The following GOSR2 variants were observed in gnomAD, a reference collection of about 807,000 sequenced individuals.
The protein encoded by GOSR2 is 27 kDa Golgi SNARE protein.
Under a neutral mutation model 27.9 loss-of-function variants are expected in GOSR2, and 20 were observed. The observed-to-expected ratio is 0.72, with a 90% confidence interval of 0.50 to 1.04. The LOEUF (loss-of-function observed/expected upper bound fraction) is 1.04, where lower values mean the gene tolerates loss of function less well. GOSR2 is among the 50% of genes least tolerant of loss of function. The pLI is 0.00. For synonymous variants in GOSR2, 91 were observed against 98.8 expected, an observed-to-expected ratio of 0.92 and a Z score of 0.47; for missense variants, 261 against 270.5, an observed-to-expected ratio of 0.97 and a Z score of 0.25.
Position 46,939,772 on chromosome 17 carries a change from C to T in GOSR2, c.*1012C>T. On this transcript the variant is annotated 3_prime_UTR_variant, in exon 6 of 6. Coordinates refer to ENST00000640051, the MANE Select transcript of GOSR2 (RefSeq NM_004287.5). ...ACACTCTGTTTTCAGGGACTACAAC[C>T]TTTTTCCTTCTGTGACCAGCCCCGG... The T allele has an allele frequency of 1.0e-6, 1 of 987,364 alleles. No homozygotes were observed. The highest frequency in any genetic ancestry group is 1.2e-6 in the Non-Finnish European group (1 of 831,226). 61.2% of individuals were successfully genotyped at this position (987,364 alleles called of 1,614,324 possible). A position where few individuals can be genotyped will look rare whatever the true frequency, so the allele number is the denominator to read the frequency against.
chr17:46,968,332 G>GA (rs1444787042), downstream of GOSR2, among the ~76,000 whole-genome samples: 1 of 152,164 alleles, frequency 6.6e-6, no homozygotes, highest in African/African-American at 2.4e-5. Context: ...AATCTTTAGG[G>GA]AAAAAATGTC....
intron 5 of GOSR2, chr17:46,937,205 A>G (rs973710918): frequency 2.0e-5 from 3 of 152,168 alleles, no homozygotes; most frequent in African/African-American, 7.2e-5. Flanking sequence ...GGGTGATGCC[A>G]TCTATAGAAG....
At chr17:46,936,817 T>G (rs963256309) in intron 5 of GOSR2, 1 of 984,870 alleles carries the variant, frequency 1.0e-6, no homozygotes, top group Non-Finnish European at 1.2e-6. Flanking sequence ...TGATCTCTGA[T>G]GGCAATGAAG....
At position 46,974,748 on chromosome 17, in the gene GOSR2, A is replaced by AAAGG. The variant is rs1555726045; in HGVS notation, c.616-450_616-449insAGGA. On this transcript the variant is annotated intron_variant, in intron 6 of 6. Coordinates refer to the GOSR2 transcript ENST00000640723. ...GACTCTCTCTCAAAAAAAAAAAAAA[A>AAAGG]AGGTCATCTCAAGTGAAACTGATTT... 8.6e-4 allele frequency among the ~76,000 whole-genome samples: 126 copies of AAAGG among 147,208 alleles called. 10 individuals carry two copies. Among genetic ancestry groups the AAAGG allele is most frequent in the East Asian group, 2.0e-3 (10 of 4,924 alleles).
At chr17:46,951,262 G>T (rs576351998) in intron 6 of GOSR2, among the ~76,000 whole-genome samples, 4 of 152,136 alleles carry the variant, frequency 2.6e-5, no homozygotes, top group African/African-American at 9.7e-5. Flanking sequence ...CCCGCTGGCC[G>T]CCCACAGTGA....
intron 6 of GOSR2, among the ~76,000 whole-genome samples, chr17:46,974,144 C>CA (rs1233349764): frequency 6.6e-6 from 1 of 152,224 alleles, no homozygotes; most frequent in Non-Finnish European, 1.5e-5. Flanking sequence ...ATCCCCGACT[C>CA]AGAGGACAGG....
At chr17:46,969,360 A>T (rs967730263), downstream of GOSR2, among the ~76,000 whole-genome samples, 2 of 152,184 alleles carry the variant, frequency 1.3e-5, no homozygotes, top group Non-Finnish European at 2.9e-5. Context: ...AGCAGGAAGG[A>T]GGGTGGTGGG....
At chr17:46,958,908 C>T (rs544398765) in intron 6 of GOSR2, among the ~76,000 whole-genome samples, 1 of 152,360 alleles carries the variant, frequency 6.6e-6, no homozygotes, top group East Asian at 1.9e-4. Context: ...AATGTACAAC[C>T]TACCTCCAAG....
intron 6 of GOSR2, among the ~76,000 whole-genome samples, chr17:46,957,116 C>T (rs1352010390): frequency 6.6e-6 from 1 of 152,126 alleles, no homozygotes. Flanking sequence ...CAAAACCATC[C>T]TGGGTGACAT....
At chr17:46,974,887 G>A (rs7216991) in intron 6 of GOSR2, among the ~76,000 whole-genome samples, 63,733 of 151,922 alleles carry the variant, frequency 0.42, 14,086 homozygotes, top group East Asian at 0.54. Flanking sequence ...GGGAGTGGAA[G>A]CTCAGTGTTT....
chr17:46,953,268 A>T (rs544647624), intron 6 of GOSR2, among the ~76,000 whole-genome samples: 138 of 151,808 alleles, frequency 9.1e-4, no homozygotes, highest in African/African-American at 3.3e-3. Flanking sequence ...TCATTGTTCA[A>T]TTCCCACCTA....
rs1326386952 is a variant in GOSR2 at position 46,938,893 on chromosome 17, AT to A, written c.*135del. 6.5e-6 allele frequency: 10 copies of A among 1,541,094 alleles called. No individual in the cohort carries two copies. Among genetic ancestry groups the A allele is most frequent in the Non-Finnish European group, 8.7e-6 (10 of 1,146,162 alleles). ...TGAACTGTGAAGACACTTGGGAGTG[AT>A]TGTGGTCTAATTTCCAACCTGCTCT... On this transcript the variant is annotated 3_prime_UTR_variant, in exon 6 of 6. Coordinates refer to ENST00000640051, the MANE Select transcript of GOSR2 (RefSeq NM_004287.5).
At chr17:46,942,916 A>T (rs1191091817), downstream of GOSR2, among the ~76,000 whole-genome samples, 1 of 152,116 alleles carries the variant, frequency 6.6e-6, no homozygotes, top group Non-Finnish European at 1.5e-5. Flanking sequence ...AGCCTCTGTG[A>T]GCCATCCCTC....
chr17:46,945,763 G>T (rs147817053), downstream of GOSR2, among the ~76,000 whole-genome samples: 1 of 152,170 alleles, frequency 6.6e-6, no homozygotes, highest in East Asian at 1.9e-4. Flanking sequence ...TGAGGCAGAA[G>T]CTCAGGGAGT....
Position 46,931,210 on chromosome 17 carries a change from A to G in GOSR2, c.203+3A>G, listed in dbSNP as rs201423456. ...AACAAAAGGCAAAATGCCAGACTGTAAGTGCTGACCTCTGACATGGCTCTG... is the reference window on the plus strand; with the variant it reads ...AACAAAAGGCAAAATGCCAGACTGTGAGTGCTGACCTCTGACATGGCTCTG... On this transcript the variant is annotated splice_donor_region_variant and intron_variant, in intron 3 of 5. Coordinates refer to ENST00000640051, the MANE Select transcript of GOSR2 (RefSeq NM_004287.5). The G allele has an allele frequency of 4.7e-5, 62 of 1,324,192 alleles. No individual in the cohort carries two copies. In the Admixed American group the frequency reaches 4.9e-4, roughly 10 times the overall value. 82.0% of individuals were successfully genotyped at this position (1,324,192 alleles called of 1,614,324 possible). A position where few individuals can be genotyped will look rare whatever the true frequency, so the allele number is the denominator to read the frequency against.
intron 6 of GOSR2, among the ~76,000 whole-genome samples, chr17:46,956,312 C>G (rs1284858872): frequency 1.4e-5 from 1 of 71,176 alleles, no homozygotes; most frequent in Non-Finnish European, 2.5e-5. Context: ...TTTTTTGAGA[C>G]AGAGTTTCGC....
At chr17:46,930,693 G>A (rs947082443) in intron 2 of GOSR2, 3 of 171,146 alleles carry the variant, frequency 1.8e-5, no homozygotes, top group East Asian at 3.4e-4. Flanking sequence ...CATTACTATA[G>A]GGAATTCAAT....
chr17:46,954,588 T>A (rs2090587156), intron 6 of GOSR2, among the ~76,000 whole-genome samples: 1 of 152,238 alleles, frequency 6.6e-6, no homozygotes, highest in South Asian at 2.1e-4. Context: ...TTGATGGGGA[T>A]GACATTGAAT....
intron 6 of GOSR2, among the ~76,000 whole-genome samples, chr17:46,974,653 G>C (rs1275581394): frequency 6.6e-6 from 1 of 151,606 alleles, no homozygotes; most frequent in Non-Finnish European, 1.5e-5. Context: ...AGGATGGCGT[G>C]AACCCGGGAG....
Sources: gnomAD v4.1 joint callset for allele counts (sites outside exome capture counted in the v4.1 genomes callset) on GRCh38, gnomAD v4.1.1 for gene constraint, MANE v1.5 for transcripts, NCBI Gene and HGNC (gene_info 2026-07-23, HGNC 2026-07-21) for gene names.